The following PRR16 variants were observed in gnomAD, a reference collection of about 807,000 sequenced individuals.
PRR16 encodes the protein proline rich 16.
PRR16 carries 6 observed loss-of-function variants against 18.2 expected under a neutral mutation model. The ratio of observed to expected loss-of-function variants is 0.33; its 90% CI spans 0.18 to 0.65. The LOEUF is 0.65. PRR16 is among the 30% of genes least tolerant of loss of function. The probability of loss-of-function intolerance (pLI) is 0.74; values close to 1 mark genes in which losing one functional copy is unlikely to be tolerated. For missense variants in PRR16, 412 were observed against 376.6 expected (o/e 1.09, Z -0.78); for synonymous variants, 151 against 147.8 (o/e 1.02, Z -0.16).
downstream of PRR16, among the ~76,000 whole-genome samples, chr5:120,687,869 T>C (rs142978926): frequency 1.3e-5 from 2 of 152,206 alleles, no homozygotes; most frequent in Non-Finnish European, 2.9e-5. Context: ...CCACCCATGG[T>C]CCAAATTTAA....
At chr5:120,768,581 T>C in the PRR16 span, among the ~76,000 whole-genome samples, 2 of 151,672 alleles carry the variant, frequency 1.3e-5, no homozygotes, top group African/African-American at 4.8e-5. Flanking sequence ...GGGAGAATAA[T>C]ACACTTTACT....
intron 1 of PRR16, among the ~76,000 whole-genome samples, chr5:120,587,241 A>G (rs1219941330): frequency 6.6e-6 from 1 of 152,238 alleles, no homozygotes; most frequent in South Asian, 2.1e-4. Context: ...TAAAAGTGCA[A>G]TATAAAGCAG....
the PRR16 span, among the ~76,000 whole-genome samples, chr5:120,724,698 A>G: frequency 6.6e-6 from 1 of 151,940 alleles, no homozygotes; most frequent in Non-Finnish European, 1.5e-5. Flanking sequence ...CCTTTCAGAT[A>G]TCTCCCCTAC....
chr5:120,585,971 C>T (rs577359548), intron 1 of PRR16, among the ~76,000 whole-genome samples: 8 of 151,954 alleles, frequency 5.3e-5, no homozygotes, highest in Admixed American at 3.9e-4. Flanking sequence ...GTCAAGTGAT[C>T]GAGACCATCC....
chr5:120,636,895 A>G (rs372844594), intron 1 of PRR16, among the ~76,000 whole-genome samples: 90 of 152,260 alleles, frequency 5.9e-4, no homozygotes, highest in African/African-American at 2.1e-3. Context: ...TATACATCCA[A>G]TAAAGAACTA....
intron 1 of PRR16, among the ~76,000 whole-genome samples, chr5:120,608,772 T>C (rs1011376312): frequency 1.3e-5 from 2 of 152,232 alleles, no homozygotes; most frequent in Non-Finnish European, 2.9e-5. Context: ...CATTGCTTTT[T>C]TAAATTCCTG....
intron 1 of PRR16, among the ~76,000 whole-genome samples, chr5:120,660,586 C>T (rs564076387): frequency 6.6e-6 from 1 of 152,136 alleles, no homozygotes; most frequent in East Asian, 1.9e-4. Context: ...TCTTGTTTGA[C>T]ATATTTGCCT....
intron 1 of PRR16, among the ~76,000 whole-genome samples, chr5:120,513,498 A>G (rs1750893480): frequency 1.3e-5 from 2 of 151,602 alleles, no homozygotes; most frequent in African/African-American, 4.9e-5. Flanking sequence ...AATACTTCAT[A>G]CTCTCAAGAC....
At chr5:120,501,955 C>CAAAAAA (rs548770948) in intron 1 of PRR16, among the ~76,000 whole-genome samples, 2 of 44,072 alleles carry the variant, frequency 4.5e-5, no homozygotes, top group African/African-American at 1.4e-4. Flanking sequence ...TACTCCGTCT[C>CAAAAAA]AAAAAAAAAA....
intron 1 of PRR16, among the ~76,000 whole-genome samples, chr5:120,560,079 A>G (rs1455034367): frequency 6.6e-6 from 1 of 151,978 alleles, no homozygotes; most frequent in Non-Finnish European, 1.5e-5. Context: ...TATAATCTAC[A>G]AACATGGATA....
At chr5:120,725,145 A>G in the PRR16 span, among the ~76,000 whole-genome samples, 4 of 152,030 alleles carry the variant, frequency 2.6e-5, no homozygotes, top group Admixed American at 6.6e-5. Flanking sequence ...AGTGAGAGCC[A>G]ACTGGGCCTT....
At chr5:120,632,644 C>G (rs1216332573) in intron 1 of PRR16, among the ~76,000 whole-genome samples, 1 of 152,068 alleles carries the variant, frequency 6.6e-6, no homozygotes. Context: ...AACTTGAAGA[C>G]AAGGCTTTTG....
intron 1 of PRR16, among the ~76,000 whole-genome samples, chr5:120,568,045 A>G (rs1303093451): frequency 6.6e-6 from 1 of 152,186 alleles, no homozygotes; most frequent in Non-Finnish European, 1.5e-5. Context: ...GATTGTTAAC[A>G]CATTTAACAC....
the PRR16 span, among the ~76,000 whole-genome samples, chr5:120,779,659 A>G: frequency 1.3e-5 from 2 of 152,104 alleles, no homozygotes; most frequent in Non-Finnish European, 2.9e-5. Context: ...TCTGTATTGT[A>G]TTACCCCAAA....
intron 1 of PRR16, among the ~76,000 whole-genome samples, chr5:120,612,067 TGCTCCGCTGGATTTCAAA>T (rs1007435398): frequency 6.6e-6 from 1 of 152,188 alleles, no homozygotes; most frequent in Non-Finnish European, 1.5e-5. Context: ...CTTTAAAATT[TGCTCCGCTGGATTTCAAA>T]CTTGCACAGC....
At chr5:120,528,173 G>C (rs72788246) in intron 1 of PRR16, among the ~76,000 whole-genome samples, 1 of 152,076 alleles carries the variant, frequency 6.6e-6, no homozygotes, top group Non-Finnish European at 1.5e-5. Flanking sequence ...CATTCTAAAA[G>C]GTAGGTAGAA....
intron 1 of PRR16, among the ~76,000 whole-genome samples, chr5:120,492,470 A>G (rs1056793116): frequency 6.6e-6 from 1 of 151,910 alleles, no homozygotes; most frequent in African/African-American, 2.4e-5. Flanking sequence ...TTTTGTAACT[A>G]TTACTGGTTT....
intron 1 of PRR16, among the ~76,000 whole-genome samples, chr5:120,479,401 T>C (rs961338225): frequency 5.9e-5 from 9 of 152,270 alleles, no homozygotes; most frequent in African/African-American, 2.2e-4. Flanking sequence ...TTGTGCAGTT[T>C]GAATATGAAC....
chr5:120,747,983 C>T, the PRR16 span, among the ~76,000 whole-genome samples: 361 of 152,162 alleles, frequency 2.4e-3, no homozygotes, highest in Non-Finnish European at 3.7e-3. Flanking sequence ...GAAAGTATGT[C>T]ATTTACGAAT....
Sources: allele counts gnomAD v4.1 joint callset (sites outside exome capture counted in the v4.1 genomes callset), GRCh38; gene constraint gnomAD v4.1.1; transcripts MANE v1.5; gene names NCBI Gene and HGNC (gene_info 2026-07-23, HGNC 2026-07-21).